Variants in KPNA6 observed in about 807,000 individuals in gnomAD.
KPNA6 encodes importin subunit alpha-7.
A neutral mutation model predicts 72.0 loss-of-function variants in KPNA6; 9 were observed. The observed-to-expected ratio is 0.13, with a 90% confidence interval of 0.08 to 0.22. The LOEUF (loss-of-function observed/expected upper bound fraction) is 0.22, where lower values mean the gene tolerates loss of function less well. KPNA6 is among the 10% of genes least tolerant of loss of function. The pLI is 1.00. For missense variants in KPNA6, 374 were observed against 655.7 expected (o/e 0.57, Z 4.69); for synonymous variants, 219 against 242.1 (o/e 0.90, Z 0.89).
intron 1 of KPNA6, 22 bp from the exon 2 acceptor site, chr1:32,154,566 C>A: frequency 6.2e-7 from 1 of 1,607,100 alleles, no homozygotes; most frequent in Admixed American, 1.7e-5. Context: ...GAGTTTTTGG[C>A]AGTGTGTATC....
chr1:32,118,363 G>A lies in KPNA6; in HGVS notation c.4+10229G>A, dbSNP rs575771749. Among the ~76,000 whole-genome samples the A allele has an allele frequency of 1.3e-4, 20 of 149,724 alleles. No individual in the cohort carries two copies. In the East Asian group the frequency reaches 4.0e-3, roughly 30 times the overall value. On this transcript the variant is annotated intron_variant, in intron 1 of 13. Transcript: ENST00000373625. ...TTCTTACTTTTTTTTTTTTTAAATGGAGTCTCGCTTTTTCTCCCAGGCTGG... is the reference window on the plus strand; with the variant it reads ...TTCTTACTTTTTTTTTTTTTAAATGAAGTCTCGCTTTTTCTCCCAGGCTGG...
chr1:32,169,789 TAGTA>T lies in KPNA6; in HGVS notation c.1245-90_1245-87del, dbSNP rs1034592739. On this transcript the variant is annotated intron_variant, in intron 12 of 13. Transcript: ENST00000373625. The stretch of plus-strand genomic sequence containing the variant: ...AATTCTTAAAAATAAAAAAATAAAT[TAGTA>T]AGAGTGGGTTGCTGAGAGTTCAGAG... The T allele has an allele frequency of 4.8e-5, 54 of 1,124,424 alleles. No homozygotes were observed. In the African/African-American group the frequency reaches 6.5e-4, roughly 14 times the overall value. 69.7% of individuals were successfully genotyped at this position (1,124,424 alleles called of 1,614,324 possible). A position where few individuals can be genotyped will look rare whatever the true frequency, so the allele number is the denominator to read the frequency against.
At chr1:32,162,561 G>A (rs750245528) in intron 9 of KPNA6, 37 bp downstream of exon 9, 6 of 1,610,292 alleles carry the variant, frequency 3.7e-6, no homozygotes. Context: ...TTCTGGCTGG[G>A]CACGGTGGCT....
chr1:32,166,237 C>T lies in KPNA6; in HGVS notation c.1116+7C>T, dbSNP rs1367804042. 9.3e-6 allele frequency: 15 copies of T among 1,609,914 alleles called. No individual in the cohort carries two copies. Among genetic ancestry groups the T allele is most frequent in the Non-Finnish European group, 1.3e-5 (15 of 1,178,826 alleles). ...CAACAGGGCTCAAATACAGGTAAAA[C>T]AGGCAGGGAAGTCAAGGGGCATGGG... On this transcript the variant is annotated splice_region_variant and intron_variant, in intron 11 of 13. Transcript: ENST00000373625.
intron 1 of KPNA6, among the ~76,000 whole-genome samples, chr1:32,154,134 G>A (rs1642090619): frequency 6.6e-6 from 1 of 151,720 alleles, no homozygotes; most frequent in South Asian, 2.1e-4. Context: ...GTGACAGAGT[G>A]AGACCCTGTC....
intron 1 of KPNA6, among the ~76,000 whole-genome samples, chr1:32,111,110 T>A (rs977471537): frequency 6.6e-6 from 1 of 152,198 alleles, no homozygotes; most frequent in African/African-American, 2.4e-5. Context: ...TGTTATAAAC[T>A]TTGTTATAAA....
chr1:32,154,343 G>T (rs369712479), intron 1 of KPNA6, among the ~76,000 whole-genome samples: 1 of 150,028 alleles, frequency 6.7e-6, no homozygotes, highest in South Asian at 2.1e-4. Context: ...TGTCTCTAGG[G>T]CCCACACTTT....
chr1:32,160,712 T>TTATAATCA lies in KPNA6; in HGVS notation c.647+11_647+18dup. 1 of 1,608,156 alleles carries TTATAATCA rather than the reference T, an allele frequency of 6.2e-7. No individual in the cohort carries two copies. Among genetic ancestry groups the TTATAATCA allele is most frequent in the Non-Finnish European group, 8.5e-7 (1 of 1,174,562 alleles). ...CTTAATCCTTTGTTAACGTGAGTAA[T>TTATAATCA]TATAATCATCTGTACCTGGGCGTCT... is the stretch of plus-strand genomic sequence containing the variant. On this transcript the variant is annotated intron_variant, in intron 7 of 13. Transcript: ENST00000373625.
chr1:32,166,743 C>T (rs867691543), intron 11 of KPNA6, among the ~76,000 whole-genome samples: 6 of 146,834 alleles, frequency 4.1e-5, no homozygotes, highest in East Asian at 4.0e-4. Context: ...TCCTGGCTAA[C>T]GTGGTGAAAC....
chr1:32,149,637 T>C (rs1641993684), intron 1 of KPNA6, among the ~76,000 whole-genome samples: 1 of 152,226 alleles, frequency 6.6e-6, no homozygotes, highest in African/African-American at 2.4e-5. Flanking sequence ...AAAGTTATTT[T>C]ATGTTTATCT....
chr1:32,108,871 A>G (rs1462810082), intron 1 of KPNA6, among the ~76,000 whole-genome samples: 1 of 152,204 alleles, frequency 6.6e-6, no homozygotes, highest in East Asian at 1.9e-4. Flanking sequence ...TCCGGCTGGC[A>G]AGGCCTCTGT....
At chr1:32,148,556 T>G (rs1641971596) in intron 1 of KPNA6, among the ~76,000 whole-genome samples, 1 of 149,588 alleles carries the variant, frequency 6.7e-6, no homozygotes, top group Non-Finnish European at 1.5e-5. Flanking sequence ...TGTATATTGG[T>G]CTTTTTTTTT....
intron 1 of KPNA6, among the ~76,000 whole-genome samples, chr1:32,135,532 T>C (rs1240184469): frequency 6.8e-6 from 1 of 147,690 alleles, no homozygotes; most frequent in African/African-American, 2.5e-5. Flanking sequence ...AGGGTCTAAT[T>C]ATGTTGCCCA....
chr1:32,143,910 C>A (rs1370619092), intron 1 of KPNA6, among the ~76,000 whole-genome samples: 1 of 152,140 alleles, frequency 6.6e-6, no homozygotes, highest in African/African-American at 2.4e-5. Flanking sequence ...ATGTGTTAGA[C>A]CTTCATTCCT....
chr1:32,164,342 C>T (rs546705210), intron 10 of KPNA6, among the ~76,000 whole-genome samples: 1 of 152,268 alleles, frequency 6.6e-6, no homozygotes, highest in Non-Finnish European at 1.5e-5. Flanking sequence ...GTGAATAATG[C>T]TGCTATGAAC....
chr1:32,171,050 G>C lies in KPNA6; in HGVS notation c.*156G>C. 1.5e-6 allele frequency: 1 copy of C among 645,224 alleles called. No individual in the cohort carries two copies. Among genetic ancestry groups the C allele is most frequent in the African/African-American group, 1.8e-5 (1 of 54,884 alleles). The allele number at this position is 645,224 out of a possible 1,614,324, so 40.0% of individuals were successfully genotyped here. On this transcript the variant is annotated 3_prime_UTR_variant, in exon 14 of 14. Transcript: ENST00000373625. ...CTTGACCTGCTCCGCCCCCTTCCCTGGAGGGAGCACCCTCTGGACAGACAG... is the reference window on the plus strand; with the variant it reads ...CTTGACCTGCTCCGCCCCCTTCCCTCGAGGGAGCACCCTCTGGACAGACAG...
At chr1:32,156,061 T>C (rs1323687210) in intron 2 of KPNA6, among the ~76,000 whole-genome samples, 1 of 151,310 alleles carries the variant, frequency 6.6e-6, no homozygotes, top group African/African-American at 2.4e-5. Flanking sequence ...CTGGCCAACC[T>C]AACCTGATTT....
Position 32,150,290 on chromosome 1 carries a change from G to A in KPNA6, c.5-4298G>A, listed in dbSNP as rs559175711. 9.9e-5 allele frequency among the ~76,000 whole-genome samples: 15 copies of A among 151,494 alleles called. No individual in the cohort carries two copies. The South Asian group carries it at 1.0e-3, about 11-fold the overall frequency. On this transcript the variant is annotated intron_variant, in intron 1 of 13. Coordinates refer to ENST00000373625, the MANE Select transcript of KPNA6 (RefSeq NM_012316.5). ...TGGGATTACAGGCACCAGCTACCAC[G>A]CCTGGCTAATTTTTATATTTTTAGT...
intron 1 of KPNA6, among the ~76,000 whole-genome samples, chr1:32,124,094 A>G (rs894317694): frequency 4.6e-5 from 7 of 151,620 alleles, no homozygotes; most frequent in African/African-American, 1.7e-4. Context: ...AAAATTTTTA[A>G]CCCAAAATTT....
Sources: gnomAD v4.1 joint callset for allele counts (sites outside exome capture counted in the v4.1 genomes callset) on GRCh38, gnomAD v4.1.1 for gene constraint, MANE v1.5 for transcripts, NCBI Gene and HGNC (gene_info 2026-07-23, HGNC 2026-07-21) for gene names.